The following NOVA2 variants were observed in gnomAD, a reference collection of about 807,000 sequenced individuals.
NOVA2 encodes RNA-binding protein Nova-2.
In NOVA2, 9 loss-of-function variants were observed where a neutral mutation model predicts 22.5. The ratio of observed to expected loss-of-function variants is 0.40; its 90% CI spans 0.24 to 0.70. The LOEUF (loss-of-function observed/expected upper bound fraction) is 0.70, where lower values mean the gene tolerates loss of function less well. Ranked by LOEUF, NOVA2 falls within the 30% of genes least tolerant of loss-of-function variation. The pLI is 0.38. For synonymous variants in NOVA2, 318 were observed against 335.2 expected (o/e 0.95, Z 0.56); for missense variants, 383 against 682.8 (o/e 0.56, Z 4.89).
In NOVA2 at chr19:45,972,060, T is replaced by G. The variant is rs76397497; in HGVS notation, c.85+1207A>C. ...AAACACATGCAGAATCATCCCCATA[T>G]CTCTGGTGTCACACACTCAGCCATT... On this transcript the variant is annotated intron_variant, in intron 1 of 3. Coordinates refer to ENST00000263257, the MANE Select transcript of NOVA2 (RefSeq NM_002516.4). Among the ~76,000 whole-genome samples the G allele has an allele frequency of 8.4e-4, 127 of 151,982 alleles. 3 individuals carry two copies. In the East Asian group the frequency reaches 0.023, roughly 28 times the overall value.
intron 1 of NOVA2, among the ~76,000 whole-genome samples, chr19:45,971,142 C>T (rs1968227869): frequency 6.6e-6 from 1 of 152,134 alleles, no homozygotes; most frequent in Admixed American, 6.6e-5. Flanking sequence ...TCATGTCTCC[C>T]AGGGGTTGTA....
intron 2 of NOVA2, among the ~76,000 whole-genome samples, chr19:45,958,183 T>C (rs115450673): frequency 3.4e-4 from 52 of 152,092 alleles, no homozygotes; most frequent in African/African-American, 1.0e-3. Flanking sequence ...GTGTGGCCCT[T>C]GCGCAGGTGC....
Position 45,937,922 on chromosome 19 carries a change from T to G in NOVA2, c.*1941A>C, listed in dbSNP as rs1044435314. The G allele has an allele frequency of 2.6e-5, 4 of 152,184 alleles. No individual in the cohort carries two copies. Among genetic ancestry groups the G allele is most frequent in the South Asian group, 2.1e-4 (1 of 4,836 alleles). 9.4% of individuals were successfully genotyped at this position (152,184 alleles called of 1,614,324 possible). The stretch of plus-strand genomic sequence containing the variant: ...GGGCAGGAATTGTCTCTGTGGCTTT[T>G]CTTCCCTCCTTTTTTAGGAGAGAGA... On this transcript the variant is annotated 3_prime_UTR_variant, in exon 4 of 4. Transcript: ENST00000263257.
intron 3 of NOVA2, among the ~76,000 whole-genome samples, chr19:45,945,798 A>G (rs1204263105): frequency 6.6e-6 from 1 of 151,778 alleles, no homozygotes; most frequent in Non-Finnish European, 1.5e-5. Flanking sequence ...CCCATGCTCT[A>G]TTCCCTGTTG....
chr19:45,959,281 T>A (rs2146421310), intron 2 of NOVA2, among the ~76,000 whole-genome samples: 1 of 152,040 alleles, frequency 6.6e-6, no homozygotes, highest in Admixed American at 6.6e-5. Flanking sequence ...TCATGCTGTA[T>A]GATCTGGAAG....
chr19:45,960,859 C>T (rs1383612621), intron 2 of NOVA2, 151 bp downstream of exon 2: 5 of 791,842 alleles, frequency 6.3e-6, no homozygotes, highest in Non-Finnish European at 2.0e-6. Flanking sequence ...GGGCTGGGGG[C>T]AGCTCTGTCC....
chr19:45,939,541 T>C lies in NOVA2; in HGVS notation c.*322A>G. 1 of 221,022 alleles carries C rather than the reference T, an allele frequency of 4.5e-6. No homozygotes were observed. The highest frequency in any genetic ancestry group is 8.7e-6 in the Non-Finnish European group (1 of 114,402). The allele number at this position is 221,022 out of a possible 1,614,324, so 13.7% of individuals were successfully genotyped here. A position where few individuals can be genotyped will look rare whatever the true frequency, so the allele number is the denominator to read the frequency against. On this transcript the variant is annotated 3_prime_UTR_variant, in exon 4 of 4. Transcript: ENST00000263257. ...AGAGAAAATAACGCTTTGTTTTCTATTAAAATCAACAAAATGCAATATATA... is the reference window on the plus strand; with the variant it reads ...AGAGAAAATAACGCTTTGTTTTCTACTAAAATCAACAAAATGCAATATATA...
intron 1 of NOVA2, among the ~76,000 whole-genome samples, chr19:45,970,156 G>A (rs377000342): frequency 1.5e-4 from 23 of 152,116 alleles, no homozygotes; most frequent in African/African-American, 5.3e-4. Context: ...TCTGTAACAT[G>A]GGTTAACATG....
At chr19:45,971,529 C>G (rs1968231961) in intron 1 of NOVA2, among the ~76,000 whole-genome samples, 2 of 152,140 alleles carry the variant, frequency 1.3e-5, no homozygotes, top group South Asian at 4.1e-4. Flanking sequence ...GCTGGACACC[C>G]TCACAGGCAT....
chr19:45,959,773 GAT>G (rs1968066667), intron 2 of NOVA2, among the ~76,000 whole-genome samples: 2 of 149,302 alleles, frequency 1.3e-5, no homozygotes. Flanking sequence ...GAGAGGGAAA[GAT>G]AGGAGAGAGG....
intron 2 of NOVA2, among the ~76,000 whole-genome samples, chr19:45,959,629 A>C (rs1968064241): frequency 6.7e-6 from 1 of 148,158 alleles, no homozygotes; most frequent in South Asian, 2.2e-4. Flanking sequence ...GGTTCACTCG[A>C]TTTTTCTCTA....
At position 45,954,028 on chromosome 19, in the gene NOVA2, G is replaced by A. The variant is rs931921195; in HGVS notation, c.230-82C>T. 1.3e-5 allele frequency: 19 copies of A among 1,451,570 alleles called. No homozygotes were observed. The Admixed American group carries it at 1.6e-4, about 12-fold the overall frequency. 89.9% of individuals were successfully genotyped at this position (1,451,570 alleles called of 1,614,324 possible). A position where few individuals can be genotyped will look rare whatever the true frequency, so the allele number is the denominator to read the frequency against. ...GAGAGACAGGCCCCATTTAATGGAA[G>A]AGGCAAGCTGAGGTCCAGAGAGTGG... On this transcript the variant is annotated intron_variant, in intron 2 of 3. Transcript: ENST00000263257.
intron 1 of NOVA2, among the ~76,000 whole-genome samples, chr19:45,965,389 C>T (rs1968155047): frequency 6.6e-6 from 1 of 152,180 alleles, no homozygotes; most frequent in South Asian, 2.1e-4. Flanking sequence ...TTTAAACTGT[C>T]CCTGAGAATT....
chr19:45,940,398 C>CCGGCGGCCA lies in NOVA2; in HGVS notation c.935_943dup (p.Val312_Ala314dup). Reference sequence around the variant, plus strand: ...GGCGGCGGCGGCTGCTGGGTTGGCCCCGGCGGCCACGGCGGCCAGGACGCC... The same window carrying CCGGCGGCCA: ...GGCGGCGGCGGCTGCTGGGTTGGCCCCGGCGGCCACGGCGGCCACGGCGGCCAGGACGCC... On this transcript the variant is annotated inframe_insertion, in exon 4 of 4. Coordinates refer to ENST00000263257, the MANE Select transcript of NOVA2 (RefSeq NM_002516.4). 1 of 1,452,376 alleles carries CCGGCGGCCA rather than the reference C, an allele frequency of 6.9e-7. No homozygotes were observed. The highest frequency in any genetic ancestry group is 9.1e-7 in the Non-Finnish European group (1 of 1,097,066). The allele number at this position is 1,452,376 out of a possible 1,614,324, so 90.0% of individuals were successfully genotyped here. A position where few individuals can be genotyped will look rare whatever the true frequency, so the allele number is the denominator to read the frequency against.
At chr19:45,964,130 T>C (rs181957452) in intron 1 of NOVA2, among the ~76,000 whole-genome samples, 19 of 152,164 alleles carry the variant, frequency 1.2e-4, no homozygotes, top group Admixed American at 9.2e-4. Flanking sequence ...CAATGGTTTT[T>C]CAACTTTTAA....
chr19:45,936,859 C>T lies in NOVA2; in HGVS notation c.*3004G>A, dbSNP rs1243249677. On this transcript the variant is annotated 3_prime_UTR_variant, in exon 4 of 4. Transcript: ENST00000263257. ...AGGGTGCAAGGAGGCCACTCAGAGA[C>T]TCTGAGATCGGATTGGCTAATAGGG... The T allele has an allele frequency of 1.3e-5, 2 of 151,944 alleles. No homozygotes were observed. Among genetic ancestry groups the T allele is most frequent in the Admixed American group, 6.6e-5 (1 of 15,236 alleles). The allele number at this position is 151,944 out of a possible 1,614,324, so 9.4% of individuals were successfully genotyped here.
chr19:45,940,460 G>A lies in NOVA2; in HGVS notation c.882C>T (p.Asn294=). 1 of 1,533,616 alleles carries A rather than the reference G, an allele frequency of 6.5e-7. No individual in the cohort carries two copies. Among genetic ancestry groups the A allele is most frequent in the Non-Finnish European group, 8.8e-7 (1 of 1,140,732 alleles). ...CCGAGTTGAGGCCCAGGCCCAGGGA[G>A]TTGGTGTTGTAGCCGTAACTTGCCA... is the stretch of plus-strand genomic sequence containing the variant. ...NTLASYGYNT[N]SLGLGLNSAA... The change falls in exon 4 of 4, where the codon AAC becomes AAT. Residue 294 remains asparagine, a synonymous_variant. Coordinates refer to ENST00000263257, the MANE Select transcript of NOVA2 (RefSeq NM_002516.4).
rs1322928011 is a variant in NOVA2, at chr19:45,940,461, T to C, written c.881A>G (p.Asn294Ser). The change falls in exon 4 of 4, where the codon AAC (asparagine) becomes AGC (serine). Residue 294 changes from asparagine to serine, a missense_variant. By Grantham distance (46) the Asn-to-Ser change is conservative (BLOSUM62 1). Around this residue, in one of 2 missense-constraint regions of NOVA2, gnomAD observed 349 missense variants for 578.1 expected, o/e 0.60. Coordinates refer to ENST00000263257, the MANE Select transcript of NOVA2 (RefSeq NM_002516.4). Reference protein sequence around the residue: ...NTLASYGYNTNSLGLGLNSAA... With the variant: ...NTLASYGYNTSSLGLGLNSAA... The stretch of plus-strand genomic sequence containing the variant: ...CGAGTTGAGGCCCAGGCCCAGGGAG[T>C]TGGTGTTGTAGCCGTAACTTGCCAG... The C allele has an allele frequency of 4.6e-6, 7 of 1,530,448 alleles. No homozygotes were observed. The highest frequency in any genetic ancestry group is 1.9e-5 in the Admixed American group (1 of 52,492). The allele number at this position is 1,530,448 out of a possible 1,614,324, so 94.8% of individuals were successfully genotyped here. A position where few individuals can be genotyped will look rare whatever the true frequency, so the allele number is the denominator to read the frequency against.
intron 2 of NOVA2, among the ~76,000 whole-genome samples, chr19:45,955,819 C>T (rs1432189927): frequency 6.6e-6 from 1 of 151,844 alleles, no homozygotes; most frequent in Non-Finnish European, 1.5e-5. Flanking sequence ...GATCATGCTA[C>T]TGCACTCCAG....
Sources: allele counts gnomAD v4.1 joint callset (sites outside exome capture counted in the v4.1 genomes callset), GRCh38; gene constraint gnomAD v4.1.1; regional missense constraint gnomAD v4.1.1; transcripts MANE v1.5; gene names NCBI Gene and HGNC (gene_info 2026-07-23, HGNC 2026-07-21).